The following LRMDA variants were observed in gnomAD, a reference collection of about 807,000 sequenced individuals.
LRMDA encodes the protein leucine-rich melanocyte differentiation-associated protein.
A neutral mutation model predicts 29.8 loss-of-function variants in LRMDA; 18 were observed. That is an observed-to-expected ratio of 0.60 (90% CI 0.42 to 0.90). LRMDA has a LOEUF of 0.90. Ranked by LOEUF, LRMDA falls within the 40% of genes least tolerant of loss-of-function variation. The probability of loss-of-function intolerance (pLI) is 0.00; values close to 1 mark genes in which losing one functional copy is unlikely to be tolerated. For missense variants in LRMDA, 273 were observed against 273.9 expected (o/e 1.00, Z 0.02); for synonymous variants, 125 against 109.4 (o/e 1.14, Z -0.89).
intron 2 of LRMDA, among the ~76,000 whole-genome samples, chr10:75,823,117 GACTT>G (rs1844189720): frequency 6.6e-6 from 1 of 152,068 alleles, no homozygotes; most frequent in Non-Finnish European, 1.5e-5. Context: ...AGACAAATAA[GACTT>G]AATTAAACCA....
intron 2 of LRMDA, among the ~76,000 whole-genome samples, chr10:75,672,543 C>T (rs796287861): frequency 0.2 from 1,626 of 8,072 alleles, 390 homozygotes; most frequent in East Asian, 0.54. Flanking sequence ...CCCCTCCCCT[C>T]CCCTCCCCTC....
At chr10:76,179,365 C>A (rs936248549) in intron 5 of LRMDA, among the ~76,000 whole-genome samples, 1 of 151,680 alleles carries the variant, frequency 6.6e-6, no homozygotes, top group African/African-American at 2.4e-5. Flanking sequence ...TCAAACTGAA[C>A]AGATGAGGAA....
At chr10:75,947,221 C>T (rs1846491219) in intron 2 of LRMDA, among the ~76,000 whole-genome samples, 1 of 152,198 alleles carries the variant, frequency 6.6e-6, no homozygotes, top group Admixed American at 6.5e-5. Flanking sequence ...TCTGACCAGT[C>T]TTGACCTACA....
chr10:75,779,029 A>G (rs1843346810), intron 2 of LRMDA, among the ~76,000 whole-genome samples: 1 of 152,206 alleles, frequency 6.6e-6, no homozygotes, highest in African/African-American at 2.4e-5. Context: ...CCTCTGGAAT[A>G]GGTGGTATTA....
chr10:75,787,137 C>T (rs960080840), intron 2 of LRMDA, among the ~76,000 whole-genome samples: 1 of 152,174 alleles, frequency 6.6e-6, no homozygotes, highest in Admixed American at 6.5e-5. Context: ...TCTATCTTTT[C>T]TGGCTCTTCC....
chr10:75,731,094 T>C (rs982390123), intron 2 of LRMDA, among the ~76,000 whole-genome samples: 1 of 152,234 alleles, frequency 6.6e-6, no homozygotes, highest in Non-Finnish European at 1.5e-5. Flanking sequence ...ATGAGGATGC[T>C]TGGGTTGATA....
chr10:76,438,794 C>A (rs1174126832), intron 6 of LRMDA: 2 of 152,164 alleles, frequency 1.3e-5, no homozygotes, highest in Non-Finnish European at 2.9e-5. Flanking sequence ...AGCTATTTCT[C>A]ATGCCGTTTC....
intron 5 of LRMDA, among the ~76,000 whole-genome samples, chr10:76,200,932 G>C (rs1851414922): frequency 6.6e-6 from 1 of 151,322 alleles, no homozygotes; most frequent in South Asian, 2.1e-4. Context: ...GGCCAGGCTG[G>C]TCTCAAATTC....
intron 5 of LRMDA, among the ~76,000 whole-genome samples, chr10:76,218,811 G>T (rs1422064695): frequency 6.6e-6 from 1 of 152,204 alleles, no homozygotes; most frequent in Non-Finnish European, 1.5e-5. Context: ...GAATTACTCA[G>T]CTCTGGGGAA....
intron 5 of LRMDA, among the ~76,000 whole-genome samples, chr10:76,155,117 C>T (rs1247137585): frequency 1.3e-5 from 2 of 152,132 alleles, no homozygotes; most frequent in African/African-American, 2.4e-5. Context: ...CCAGCAGTCT[C>T]TGCTGAATAA....
chr10:75,784,925 G>A (rs1208119339), intron 2 of LRMDA, among the ~76,000 whole-genome samples: 1 of 152,150 alleles, frequency 6.6e-6, no homozygotes, highest in African/African-American at 2.4e-5. Context: ...GGGTCTTCGG[G>A]TAAATAGCCT....
At chr10:75,474,555 G>A (rs563684479) in intron 2 of LRMDA, among the ~76,000 whole-genome samples, 1 of 152,332 alleles carries the variant, frequency 6.6e-6, no homozygotes, top group Admixed American at 6.5e-5. Flanking sequence ...GATTCAACAT[G>A]TGAATTTCAG....
chr10:75,518,372 A>G (rs1023398436), intron 2 of LRMDA, among the ~76,000 whole-genome samples: 1 of 151,894 alleles, frequency 6.6e-6, no homozygotes, highest in Non-Finnish European at 1.5e-5. Context: ...TATTGCCTCA[A>G]TCAGAGCCTG....
At chr10:76,202,743 G>A (rs969603952) in intron 5 of LRMDA, among the ~76,000 whole-genome samples, 1 of 151,784 alleles carries the variant, frequency 6.6e-6, no homozygotes, top group Admixed American at 6.6e-5. Context: ...CTCATGGAAG[G>A]GGAACTTGAT....
chr10:76,471,096 G>T (rs371264415), intron 6 of LRMDA, among the ~76,000 whole-genome samples: 3 of 151,850 alleles, frequency 2.0e-5, no homozygotes, highest in African/African-American at 4.8e-5. Context: ...AGGAAATGGC[G>T]CCAGATGGTA....
At chr10:76,060,198 A>G (rs1848681760) in intron 5 of LRMDA, among the ~76,000 whole-genome samples, 1 of 152,262 alleles carries the variant, frequency 6.6e-6, no homozygotes, top group Non-Finnish European at 1.5e-5. Flanking sequence ...TGCCCACCCT[A>G]CATATCTCAC....
At chr10:75,550,848 G>A (rs752768053) in intron 2 of LRMDA, among the ~76,000 whole-genome samples, 1 of 151,934 alleles carries the variant, frequency 6.6e-6, no homozygotes, top group African/African-American at 2.4e-5. Context: ...TTGCTTTAGG[G>A]TGTACAGTAT....
intron 4 of LRMDA, among the ~76,000 whole-genome samples, chr10:76,056,625 A>G (rs1848618922): frequency 6.6e-6 from 1 of 152,202 alleles, no homozygotes; most frequent in African/African-American, 2.4e-5. Flanking sequence ...CTGGTGTTTC[A>G]GTACTGCTCC....
At chr10:75,523,697 C>A (rs1030672318) in intron 2 of LRMDA, among the ~76,000 whole-genome samples, 1 of 152,160 alleles carries the variant, frequency 6.6e-6, no homozygotes, top group Admixed American at 6.5e-5. Context: ...CTGTCCCAGA[C>A]TGGGATGTGT....
Sources: gnomAD v4.1 joint callset for allele counts (sites outside exome capture counted in the v4.1 genomes callset) on GRCh38, gnomAD v4.1.1 for gene constraint, MANE v1.5 for transcripts, NCBI Gene and HGNC (gene_info 2026-07-23, HGNC 2026-07-21) for gene names.